NUMA1: variants seen among roughly 807,000 people sequenced by gnomAD.
The protein encoded by NUMA1 is nuclear mitotic apparatus protein 1.
In NUMA1, 62 loss-of-function variants were observed where a neutral mutation model predicts 237.1. That is an observed-to-expected ratio of 0.26 (90% CI 0.21 to 0.32). NUMA1 has a LOEUF of 0.32. Among genes scored for constraint, NUMA1 ranks in the 10% least tolerant of loss-of-function variants. NUMA1 has a pLI of 1.00. For synonymous variants in NUMA1, 1,028 were observed against 1,066.1 expected, an observed-to-expected ratio of 0.96 and a Z score of 0.70; for missense variants, 2,533 against 2,666.5, an observed-to-expected ratio of 0.95 and a Z score of 1.10.
In NUMA1 at chr11:72,015,044, C is replaced by T. The variant is rs1343899849; in HGVS notation, c.2459G>A (p.Ser820Asn). The T allele has an allele frequency of 1.2e-6, 2 of 1,614,140 alleles. No individual in the cohort carries two copies. Among genetic ancestry groups the T allele is most frequent in the African/African-American group, 2.7e-5 (2 of 75,060 alleles). The change falls in exon 15 of 27, where the codon AGC becomes AAC. Residue 820 changes from serine to asparagine, a missense_variant. By Grantham distance (46) the Ser-to-Asn change is conservative (BLOSUM62 1). Transcript: ENST00000393695. The surrounding 1 kb of genome is among the most constrained non-coding windows in gnomAD (Gnocchi z 4.0). Reference protein sequence around the residue: ...VAAWRERYEDSQQEEAQYGAM... With the variant: ...VAAWRERYEDNQQEEAQYGAM... ...GCCATACTGTGCCTCCTCTTGCTGG[C>T]TATCCTCATACCGCTCACGCCAGGC...
At chr11:72,040,227 G>C (rs958968887) in intron 2 of NUMA1, among the ~76,000 whole-genome samples, 1 of 152,062 alleles carries the variant, frequency 6.6e-6, no homozygotes, top group African/African-American at 2.4e-5. Flanking sequence ...TTGTAGCCTA[G>C]AGTTTGGCAC....
intron 2 of NUMA1, among the ~76,000 whole-genome samples, chr11:72,043,200 GTA>G (rs1941795645): frequency 6.7e-6 from 1 of 150,014 alleles, no homozygotes; most frequent in African/African-American, 2.5e-5. Context: ...AGAAAACAGA[GTA>G]TAATAAATAG....
Position 72,018,990 on chromosome 11 carries a change from G to T in NUMA1, c.585-10C>A. 1 of 1,613,532 alleles carries T rather than the reference G, an allele frequency of 6.2e-7. No homozygotes were observed. The highest frequency in any genetic ancestry group is 8.5e-7 in the Non-Finnish European group (1 of 1,179,936). On this transcript the variant is annotated splice_polypyrimidine_tract_variant and intron_variant, in intron 9 of 26. Coordinates refer to ENST00000393695, the MANE Select transcript of NUMA1 (RefSeq NM_006185.4). ...AGAACCTGAGAGAAAGCTGAGGAGG[G>T]AGAAGGCCCATATGCATTGGTAAGC... is the stretch of plus-strand genomic sequence containing the variant.
chr11:72,074,020 G>A (rs901214113), intron 1 of NUMA1, among the ~76,000 whole-genome samples: 100 of 151,786 alleles, frequency 6.6e-4, no homozygotes, highest in African/African-American at 1.8e-3. Flanking sequence ...GGGGAAACCC[G>A]TCTCTACTAA....
intron 2 of NUMA1, among the ~76,000 whole-genome samples, chr11:72,044,551 G>T (rs1565269580): frequency 2.0e-5 from 3 of 148,676 alleles, no homozygotes; most frequent in Non-Finnish European, 4.4e-5. Flanking sequence ...TAATATATTT[G>T]ATTTAATATT....
intron 13 of NUMA1, 60 bp from the exon 14 acceptor site, chr11:72,016,590 A>G: frequency 6.3e-7 from 1 of 1,575,996 alleles, no homozygotes. Flanking sequence ...ATTACCACAC[A>G]AGCCCTCATA....
intron 2 of NUMA1, chr11:72,049,348 A>G (rs989185357): frequency 3.3e-5 from 5 of 151,504 alleles, no homozygotes; most frequent in Non-Finnish European, 7.4e-5. Flanking sequence ...CTTACTAGCT[A>G]TGTGGCTTAA....
At chr11:72,016,738 A>C (rs557770026) in intron 13 of NUMA1, 5 of 594,806 alleles carry the variant, frequency 8.4e-6, no homozygotes, top group Non-Finnish European at 1.2e-5. Flanking sequence ...CAATAAAGTC[A>C]TAATGTAACC....
chr11:72,045,238 T>G (rs1277118848), intron 2 of NUMA1, among the ~76,000 whole-genome samples: 1 of 147,488 alleles, frequency 6.8e-6, no homozygotes, highest in East Asian at 2.0e-4. Context: ...CTGTGGTGGG[T>G]GGTTGGGATG....
intron 1 of NUMA1, among the ~76,000 whole-genome samples, chr11:72,076,960 GA>G (rs544266778): frequency 6.6e-6 from 1 of 152,042 alleles, no homozygotes; most frequent in Non-Finnish European, 1.5e-5. Context: ...AAGCAGATTT[GA>G]AAATGAACCA....
rs780483374 is a variant in NUMA1 at position 72,012,903 on chromosome 11, T to C, written c.4600A>G (p.Thr1534Ala). 1.3e-5 allele frequency: 21 copies of C among 1,613,426 alleles called. No individual in the cohort carries two copies. The South Asian group carries it at 2.3e-4, about 18-fold the overall frequency. Residue 1534 changes from threonine (T) to alanine (A), a missense_variant, in exon 15 of 27, where the codon ACT (threonine) becomes GCT (alanine). Coordinates refer to ENST00000393695, the MANE Select transcript of NUMA1 (RefSeq NM_006185.4). ...QRFQEERQKLTAQVEQLEVFQ... is the reference protein window; with the variant it reads ...QRFQEERQKLAAQVEQLEVFQ... ...TGGGCTGAGTACCTTACCTGGGCAG[T>C]GAGTTTCTGCCTCTCTTCCTGGAAC...
chr11:72,053,154 A>AT (rs527330255), intron 2 of NUMA1, among the ~76,000 whole-genome samples: 271 of 152,248 alleles, frequency 1.8e-3, no homozygotes, highest in Non-Finnish European at 3.3e-3. Flanking sequence ...TGGCTATTTT[A>AT]TTTTTAATTT....
chr11:72,051,900 A>G (rs1942381531), intron 2 of NUMA1, among the ~76,000 whole-genome samples: 1 of 152,212 alleles, frequency 6.6e-6, no homozygotes. Flanking sequence ...AAGCAAGGCT[A>G]GTGGGGACCA....
chr11:72,038,502 G>A (rs1457522791), intron 2 of NUMA1, among the ~76,000 whole-genome samples: 3 of 152,112 alleles, frequency 2.0e-5, no homozygotes, highest in Non-Finnish European at 2.9e-5. Context: ...GGCTTCAGGA[G>A]AGCCCCAGCC....
chr11:72,018,149 G>A, intron 12 of NUMA1, 34 bp downstream of exon 12: 1 of 1,477,318 alleles, frequency 6.8e-7, no homozygotes, highest in Non-Finnish European at 9.5e-7. Context: ...TCAGCCCTGA[G>A]GGGCCTCCAT....
rs1337997320 is a variant in NUMA1, at chr11:72,015,467, T to C, written c.2036A>G (p.Gln679Arg). Reference sequence around the variant, plus strand: ...TGCTTTTTGCTGCTCAGACCGCAGCTGCAACTCTAGCTCTGCAACCTGGGC... The same window carrying C: ...TGCTTTTTGCTGCTCAGACCGCAGCCGCAACTCTAGCTCTGCAACCTGGGC... ...AQAQVAELELQLRSEQQKATE... is the reference protein window; with the variant it reads ...AQAQVAELELRLRSEQQKATE... The change falls in exon 15 of 27, where the codon CAG becomes CGG. Residue 679 changes from glutamine to arginine, a missense_variant. Coordinates refer to ENST00000393695, the MANE Select transcript of NUMA1 (RefSeq NM_006185.4). This position sits in a 1 kb window ranked among gnomAD's most constrained non-coding sequence, Gnocchi z 4.0. The C allele has an allele frequency of 6.2e-7, 1 of 1,612,548 alleles. No homozygotes were observed. Among genetic ancestry groups the C allele is most frequent in the Non-Finnish European group, 8.5e-7 (1 of 1,180,028 alleles).
At chr11:72,055,933 T>C (rs1008559574) in intron 2 of NUMA1, among the ~76,000 whole-genome samples, 1 of 150,902 alleles carries the variant, frequency 6.6e-6, no homozygotes, top group Non-Finnish European at 1.5e-5. Context: ...CTGACCAACA[T>C]GGTAAAACCA....
At chr11:72,036,376 C>T (rs1941021804) in intron 2 of NUMA1, among the ~76,000 whole-genome samples, 1 of 152,224 alleles carries the variant, frequency 6.6e-6, no homozygotes, top group African/African-American at 2.4e-5. Context: ...GCAACATAAC[C>T]TCTTTCAGTC....
intron 1 of NUMA1, among the ~76,000 whole-genome samples, chr11:72,078,132 CCA>C (rs1163532780): frequency 1.3e-5 from 2 of 152,186 alleles, no homozygotes; most frequent in Admixed American, 1.3e-4. Context: ...GCCTCAGCCT[CCA>C]GAGTAGTTGG....
Sources: allele counts gnomAD v4.1 joint callset (sites outside exome capture counted in the v4.1 genomes callset), GRCh38; gene constraint gnomAD v4.1.1; non-coding constraint Gnocchi (gnomAD v3.1); transcripts MANE v1.5; gene names NCBI Gene and HGNC (gene_info 2026-07-23, HGNC 2026-07-21).